The following TEX264 variants were observed in gnomAD, a reference collection of about 807,000 sequenced individuals.
TEX264 encodes testis expressed 264, ER-phagy receptor.
A neutral mutation model predicts 23.4 loss-of-function variants in TEX264; 13 were observed. That is an observed-to-expected ratio of 0.56 (90% CI 0.36 to 0.88). TEX264 has a LOEUF of 0.88. Among genes scored for constraint, TEX264 ranks in the 40% least tolerant of loss-of-function variants. The pLI is 0.01. For synonymous variants in TEX264, 159 were observed against 170.0 expected, an observed-to-expected ratio of 0.94 and a Z score of 0.50; for missense variants, 340 against 406.8, an observed-to-expected ratio of 0.84 and a Z score of 1.41.
intron 4 of TEX264, among the ~76,000 whole-genome samples, chr3:51,701,393 C>T (rs1162512039): frequency 2.0e-5 from 3 of 151,502 alleles, no homozygotes; most frequent in East Asian, 1.9e-4. Flanking sequence ...GGCAAGATCT[C>T]GGCTCACTGT....
In TEX264 at chr3:51,686,167, G is replaced by A. The variant is rs905459452; in HGVS notation, c.480+1533G>A. Among the ~76,000 whole-genome samples the A allele has an allele frequency of 2.0e-5, 3 of 152,168 alleles. No homozygotes were observed. The highest frequency in any genetic ancestry group is 4.4e-5 in the Non-Finnish European group (3 of 68,028). The stretch of plus-strand genomic sequence containing the variant: ...AGGCTGGGCTGGTGGATATATTTGG[G>A]GACATCAGCCTGTTGGCAGTATTTG... On this transcript the variant is annotated intron_variant, in intron 3 of 4. Coordinates refer to ENST00000341333, the MANE Select transcript of TEX264 (RefSeq NM_015926.6). The surrounding 1 kb of genome is among the most constrained non-coding windows in gnomAD (Gnocchi z 4.1).
chr3:51,702,243 A>T (rs1208295072), intron 4 of TEX264, among the ~76,000 whole-genome samples: 1 of 152,132 alleles, frequency 6.6e-6, no homozygotes, highest in African/African-American at 2.4e-5. Context: ...AGGAGCAGTG[A>T]GGGCCTGGCA....
At chr3:51,672,083 G>A (rs1437814571) in intron 1 of TEX264, 1 of 152,424 alleles carries the variant, frequency 6.6e-6, no homozygotes, top group Non-Finnish European at 1.5e-5. Flanking sequence ...TGTAAAGCTA[G>A]GTTTGGCTTC....
intron 3 of TEX264, among the ~76,000 whole-genome samples, chr3:51,697,977 C>G (rs1312143548): frequency 6.6e-6 from 1 of 152,220 alleles, no homozygotes; most frequent in Admixed American, 6.5e-5. Flanking sequence ...GGGTGTTCTA[C>G]TTTGCTGTTG....
chr3:51,703,820 G>A lies in TEX264; in HGVS notation c.746G>A (p.Ser249Asn). The stretch of plus-strand genomic sequence containing the variant: ...GCCACACTGTCACCTGGGGCGAGCA[G>A]CCGTGGCTGGGATGACGGTGACACC... ...SAATLSPGAS[S>N]RGWDDGDTRS... is the part of the protein sequence containing the mutation. Residue 249 changes from serine (S) to asparagine (N), a missense_variant, in exon 5 of 5, where the codon AGC becomes AAC. Coordinates refer to ENST00000341333, the MANE Select transcript of TEX264 (RefSeq NM_015926.6). This position sits in a 1 kb window ranked among gnomAD's most constrained non-coding sequence, Gnocchi z 4.8. 6.2e-7 allele frequency: 1 copy of A among 1,612,742 alleles called. No individual in the cohort carries two copies. The highest frequency in any genetic ancestry group is 8.5e-7 in the Non-Finnish European group (1 of 1,179,046).
In TEX264 at chr3:51,675,590, C is replaced by T. The variant is rs987421297; in HGVS notation, c.258+1028C>T. Among the ~76,000 whole-genome samples, 3 of 152,204 alleles carry T rather than the reference C, an allele frequency of 2.0e-5. No homozygotes were observed. The East Asian group carries it at 5.8e-4, about 29-fold the overall frequency. On this transcript the variant is annotated intron_variant, in intron 2 of 4. Coordinates refer to ENST00000341333, the MANE Select transcript of TEX264 (RefSeq NM_015926.6). ...AGGAAGCTCTGTGTGGCTGACATGT[C>T]AGCCCCACATAAGTGATTCTCCAAC...
intron 2 of TEX264, chr3:51,681,521 G>C (rs892935034): frequency 6.6e-6 from 1 of 152,362 alleles, no homozygotes; most frequent in Non-Finnish European, 1.5e-5. Flanking sequence ...TTGCAGGATG[G>C]GCAGGAGTTT....
chr3:51,688,309 C>T (rs779278524), intron 3 of TEX264, among the ~76,000 whole-genome samples: 1 of 152,222 alleles, frequency 6.6e-6, no homozygotes, highest in African/African-American at 2.4e-5. Context: ...CCAAATTCAC[C>T]AGTCTTAATG....
At chr3:51,690,565 A>G (rs1309530155) in intron 3 of TEX264, among the ~76,000 whole-genome samples, 2 of 151,936 alleles carry the variant, frequency 1.3e-5, no homozygotes, top group African/African-American at 4.8e-5. Context: ...CTCAAAAAAA[A>G]AAAAAAAAAA....
chr3:51,692,115 G>A (rs1221622254), intron 3 of TEX264, among the ~76,000 whole-genome samples: 1 of 152,232 alleles, frequency 6.6e-6, no homozygotes, highest in East Asian at 1.9e-4. Flanking sequence ...ATACCAGCTC[G>A]GATATTGTAG....
chr3:51,680,744 G>C (rs1702400106), intron 2 of TEX264, among the ~76,000 whole-genome samples: 2 of 152,228 alleles, frequency 1.3e-5, no homozygotes, highest in Non-Finnish European at 2.9e-5. Context: ...GGCAGGTAGG[G>C]CTGGGAGGCC....
intron 2 of TEX264, among the ~76,000 whole-genome samples, chr3:51,675,650 CT>C (rs1702203981): frequency 6.6e-6 from 1 of 152,158 alleles, no homozygotes; most frequent in African/African-American, 2.4e-5. Context: ...GAACTTTGAG[CT>C]GTAGGTTCAG....
At position 51,674,145 on chromosome 3, in the gene TEX264, C is replaced by T. The variant is rs1219772577; in HGVS notation, c.-34-126C>T. 3.7e-5 allele frequency: 34 copies of T among 929,070 alleles called. No homozygotes were observed. In the Admixed American group the frequency reaches 8.8e-4, roughly 24 times the overall value. The allele number at this position is 929,070 out of a possible 1,614,324, so 57.6% of individuals were successfully genotyped here. A position where few individuals can be genotyped will look rare whatever the true frequency, so the allele number is the denominator to read the frequency against. ...CTCTGTGTGTAAACACCTCTGGCCC[C>T]TCCCCTTTCTGGGTCAGAGCACCCA... On this transcript the variant is annotated intron_variant, in intron 1 of 4. Transcript: ENST00000341333.
chr3:51,675,219 C>T (rs567880089), intron 2 of TEX264, among the ~76,000 whole-genome samples: 3 of 152,322 alleles, frequency 2.0e-5, no homozygotes, highest in Admixed American at 2.0e-4. Flanking sequence ...ATCACTAGCA[C>T]CCTGTGAGCG....
intron 3 of TEX264, among the ~76,000 whole-genome samples, chr3:51,692,787 C>T (rs2106986017): frequency 6.6e-6 from 1 of 152,374 alleles, no homozygotes; most frequent in African/African-American, 2.4e-5. Flanking sequence ...TGTGGCTCTC[C>T]TCCCAGATTT....
Position 51,700,252 on chromosome 3 carries a change from T to C in TEX264, c.649+678T>C, listed in dbSNP as rs116338537. On this transcript the variant is annotated intron_variant, in intron 4 of 4. Transcript: ENST00000341333. ...GTCTGCTGGGTTACATCCCAGATGG[T>C]CCCAGGGGGCCTTATCCTTGGCCAA... Among the ~76,000 whole-genome samples the C allele has an allele frequency of 4.3e-3, 652 of 152,230 alleles. 4 individuals are homozygous for C. The highest frequency in any genetic ancestry group is 0.015 in the African/African-American group (622 of 41,532).
intron 2 of TEX264, among the ~76,000 whole-genome samples, chr3:51,678,082 A>G (rs1255828105): frequency 6.6e-6 from 1 of 152,096 alleles, no homozygotes; most frequent in Admixed American, 6.5e-5. Flanking sequence ...TCAGTCACAG[A>G]TCTCCCTTAC....
chr3:51,684,776 G>A (rs924181388), intron 3 of TEX264, 142 bp downstream of exon 3: 1 of 746,166 alleles, frequency 1.3e-6, no homozygotes, highest in African/African-American at 1.8e-5. Flanking sequence ...TACCTGTGGA[G>A]CTAGGAAGAT....
At chr3:51,693,306 C>G (rs1193981870) in intron 3 of TEX264, among the ~76,000 whole-genome samples, 1 of 152,094 alleles carries the variant, frequency 6.6e-6, no homozygotes, top group Non-Finnish European at 1.5e-5. Context: ...GTCTCCCGCC[C>G]CATTCTCTCT....
Sources: gnomAD v4.1 joint callset for allele counts (sites outside exome capture counted in the v4.1 genomes callset) on GRCh38, gnomAD v4.1.1 for gene constraint, Gnocchi (gnomAD v3.1) non-coding constraint, MANE v1.5 for transcripts, NCBI Gene and HGNC (gene_info 2026-07-23, HGNC 2026-07-21) for gene names.